The following PIGB variants were observed in gnomAD, a reference collection of about 807,000 sequenced individuals.
PIGB encodes the protein phosphatidylinositol glycan anchor biosynthesis class B, also known as GPI alpha-1,2-mannosyltransferase 3.
In PIGB, 58 loss-of-function variants were observed where a neutral mutation model predicts 68.4. The observed-to-expected ratio is 0.85, with a 90% CI of 0.69 to 1.06. The LOEUF is 1.06. PIGB is among the 50% of genes least tolerant of loss of function. The pLI, the probability that PIGB is intolerant of heterozygous loss-of-function variation, is 0.00. For synonymous variants in PIGB, 219 were observed against 220.5 expected, an observed-to-expected ratio of 0.99 and a Z score of 0.06; for missense variants, 634 against 655.8, an observed-to-expected ratio of 0.97 and a Z score of 0.36.
chr15:55,320,417 T>C lies in PIGB; in HGVS notation c.299+7T>C, dbSNP rs2055136288. On this transcript the variant is annotated splice_region_variant and intron_variant, in intron 2 of 11. Transcript: ENST00000164305. ...CACATCACATGGTTTTCAAATATCCTTTGTGGTTTCTTTTCCAGACTATGA... is the reference window on the plus strand; with the variant it reads ...CACATCACATGGTTTTCAAATATCCCTTGTGGTTTCTTTTCCAGACTATGA... 1.2e-6 allele frequency: 2 copies of C among 1,611,734 alleles called. No individual in the cohort carries two copies. Among genetic ancestry groups the C allele is most frequent in the Non-Finnish European group, 1.7e-6 (2 of 1,179,184 alleles).
chr15:55,331,852 A>C (rs1220108427), intron 5 of PIGB, among the ~76,000 whole-genome samples: 1 of 152,080 alleles, frequency 6.6e-6, no homozygotes, highest in Non-Finnish European at 1.5e-5. Context: ...CCTAAATTTC[A>C]AGCTCATGTA....
chr15:55,319,238 G>C lies in PIGB; in HGVS notation c.-13G>C. 1 of 1,600,814 alleles carries C rather than the reference G, an allele frequency of 6.2e-7. No homozygotes were observed. Among genetic ancestry groups the C allele is most frequent in the Non-Finnish European group, 8.5e-7 (1 of 1,174,150 alleles). The stretch of plus-strand genomic sequence containing the variant: ...TGCAGCTTTCTTCCGCCTTAGGAAG[G>C]TGGCGGCCAGGGATGAGGAGGCCCC... On this transcript the variant is annotated 5_prime_UTR_variant, in exon 1 of 12. Transcript: ENST00000164305.
At chr15:55,332,085 C>G (rs2055429330) in intron 5 of PIGB, among the ~76,000 whole-genome samples, 1 of 151,890 alleles carries the variant, frequency 6.6e-6, no homozygotes, top group Non-Finnish European at 1.5e-5. Flanking sequence ...TCAAGCAATT[C>G]TGCTTCAGCC....
chr15:55,340,387 C>T (rs1287164406), intron 7 of PIGB: 3 of 237,218 alleles, frequency 1.3e-5, no homozygotes, highest in Admixed American at 1.1e-4. Flanking sequence ...ACCCGCGAGG[C>T]GGAGCTTGCA....
At position 55,329,707 on chromosome 15, in the gene PIGB, T is replaced by C; in HGVS notation, c.523-17T>C. 6.2e-7 allele frequency: 1 copy of C among 1,600,892 alleles called. No homozygotes were observed. The highest frequency in any genetic ancestry group is 8.5e-7 in the Non-Finnish European group (1 of 1,173,242). On this transcript the variant is annotated splice_polypyrimidine_tract_variant and intron_variant, in intron 4 of 11. Coordinates refer to ENST00000164305, the MANE Select transcript of PIGB (RefSeq NM_004855.5). ...CATTTCCAATTTCATATATGTTTGC[T>C]CTGTACTTTTTCTTAGTTTTTTTGC...
intron 3 of PIGB, among the ~76,000 whole-genome samples, chr15:55,321,809 T>C (rs1192168542): frequency 6.7e-6 from 1 of 148,918 alleles, no homozygotes; most frequent in Non-Finnish European, 1.5e-5. Context: ...TGCACCACCA[T>C]GCCCGGCTAA....
At chr15:55,353,973 C>T (rs2055996004) in intron 10 of PIGB, among the ~76,000 whole-genome samples, 1 of 144,584 alleles carries the variant, frequency 6.9e-6, no homozygotes, top group African/African-American at 2.7e-5. Context: ...ACATATGTTG[C>T]TCTCTACTTC....
At chr15:55,326,986 C>T (rs2055303654) in intron 3 of PIGB, among the ~76,000 whole-genome samples, 1 of 152,016 alleles carries the variant, frequency 6.6e-6, no homozygotes, top group South Asian at 2.1e-4. Context: ...GCAAGATTAG[C>T]TGAGTGTGGC....
chr15:55,319,627 C>T, intron 1 of PIGB: 1 of 450,828 alleles, frequency 2.2e-6, no homozygotes, highest in South Asian at 3.2e-5. Flanking sequence ...CTGTATTTGG[C>T]CGACAGGCTG....
At position 55,327,569 on chromosome 15, in the gene PIGB, T is replaced by A; in HGVS notation, c.456T>A (p.Ala152=). 1 of 1,612,522 alleles carries A rather than the reference T, an allele frequency of 6.2e-7. No homozygotes were observed. The highest frequency in any genetic ancestry group is 1.3e-5 in the African/African-American group (1 of 75,030). ...IPRLAQALLS[A]VADVRLYSLM... Reference sequence around the variant, plus strand: ...GACTTGCCCAAGCACTTCTGTCTGCTGTAGCAGATGTGAGACTTTACTCAT... The same window carrying A: ...GACTTGCCCAAGCACTTCTGTCTGCAGTAGCAGATGTGAGACTTTACTCAT... The change falls in exon 4 of 12, where the codon GCT becomes GCA. Residue 152 remains alanine, a synonymous_variant. Transcript: ENST00000164305.
At chr15:55,329,946 A>G (rs2141177301) in intron 5 of PIGB, 92 bp downstream of exon 5, 1 of 852,526 alleles carries the variant, frequency 1.2e-6, no homozygotes, top group South Asian at 2.1e-5. Flanking sequence ...TAGACCCCCT[A>G]ATTTTCATGA....
At chr15:55,355,080 T>C in intron 11 of PIGB, 102 bp downstream of exon 11, 1 of 1,036,532 alleles carries the variant, frequency 9.6e-7, no homozygotes, top group Non-Finnish European at 1.4e-6. Flanking sequence ...ATGGTCTGTT[T>C]CAACCCACAT....
At chr15:55,324,304 C>T (rs146852395) in intron 3 of PIGB, among the ~76,000 whole-genome samples, 12 of 152,118 alleles carry the variant, frequency 7.9e-5, no homozygotes, top group East Asian at 1.9e-4. Context: ...GCTCAAGTTA[C>T]GCCTGGCATG....
At chr15:55,327,683 A>G in intron 4 of PIGB, 48 bp downstream of exon 4, 2 of 1,083,642 alleles carry the variant, frequency 1.8e-6, no homozygotes, top group Non-Finnish European at 2.8e-6. Flanking sequence ...TTTCGTTCCT[A>G]TGGGTATAAA....
At chr15:55,333,770 T>C (rs1420592845) in intron 5 of PIGB, 97 bp from the exon 6 acceptor site, 1 of 826,946 alleles carries the variant, frequency 1.2e-6, no homozygotes, top group Non-Finnish European at 1.8e-6. Context: ...TTCATATAGC[T>C]ATTTATACCA....
chr15:55,329,809 T>A lies in PIGB; in HGVS notation c.608T>A (p.Ile203Asn), dbSNP rs757230500. The A allele has an allele frequency of 6.2e-7, 1 of 1,604,638 alleles. No homozygotes were observed. The highest frequency in any genetic ancestry group is 1.3e-5 in the African/African-American group (1 of 74,716). ...TNTMETVLTI[I>N]ALFYYPLEGS... ...ACCATGGAAACTGTTCTCACTATAA[T>A]TGCTCTTTTCTACTATCCTTTGGAA... Residue 203 changes from isoleucine to asparagine, a missense_variant, in exon 5 of 12, where the codon ATT (isoleucine) becomes AAT (asparagine). Ile to Asn is a moderately radical substitution (Grantham distance 149, BLOSUM62 -3). Coordinates refer to ENST00000164305, the MANE Select transcript of PIGB (RefSeq NM_004855.5).
intron 10 of PIGB, among the ~76,000 whole-genome samples, chr15:55,352,774 A>C (rs1160490695): frequency 6.6e-6 from 1 of 152,208 alleles, no homozygotes; most frequent in Non-Finnish European, 1.5e-5. Flanking sequence ...ATAAATAAAT[A>C]CATAAAATCT....
chr15:55,333,673 C>A (rs1001784868), intron 5 of PIGB, among the ~76,000 whole-genome samples, 194 bp from the exon 6 acceptor site: 1 of 151,954 alleles, frequency 6.6e-6, no homozygotes, highest in African/African-American at 2.4e-5. Flanking sequence ...CAGAAGTTGC[C>A]GTGAGCCAAG....
In PIGB at chr15:55,340,809, A is replaced by C. The variant is rs1331858256; in HGVS notation, c.1044A>C (p.Thr348=). 3 of 1,593,278 alleles carry C rather than the reference A, an allele frequency of 1.9e-6. No homozygotes were observed. Among genetic ancestry groups the C allele is most frequent in the African/African-American group, 2.7e-5 (2 of 74,478 alleles). The part of the protein sequence containing the change: ...YRILLVTVLW[T]LLVYSMLSHK... ...TACTTTTGGTGACTGTGCTGTGGAC[A>C]CTGCTTGTTTATAGGTAAGATTTTA... Residue 348 remains threonine (T), a synonymous_variant, in exon 8 of 12, where the codon ACA becomes ACC. Coordinates refer to ENST00000164305, the MANE Select transcript of PIGB (RefSeq NM_004855.5).
Sources: allele counts gnomAD v4.1 joint callset (sites outside exome capture counted in the v4.1 genomes callset), GRCh38; gene constraint gnomAD v4.1.1; transcripts MANE v1.5; gene names NCBI Gene and HGNC (gene_info 2026-07-23, HGNC 2026-07-21).